FHIT: variants seen among roughly 807,000 people sequenced by gnomAD.
The protein encoded by FHIT is fragile histidine triad diadenosine triphosphatase, also known as bis(5'-adenosyl)-triphosphatase.
FHIT carries 19 observed loss-of-function variants against 17.9 expected under a neutral mutation model. The observed-to-expected ratio is 1.06, with a 90% confidence interval of 0.74 to 1.56. FHIT has a LOEUF of 1.56. Among genes scored for constraint, FHIT ranks in the 40% most tolerant of loss-of-function variants. The pLI is 0.00. For synonymous variants in FHIT, 81 were observed against 69.7 expected, an observed-to-expected ratio of 1.16 and a Z score of -0.81; for missense variants, 248 against 189.2, an observed-to-expected ratio of 1.31 and a Z score of -1.82.
intron 5 of FHIT, among the ~76,000 whole-genome samples, chr3:60,520,891 C>A (rs961027634): frequency 6.6e-6 from 1 of 151,682 alleles, no homozygotes; most frequent in African/African-American, 2.4e-5. Flanking sequence ...TCCCAAGTAC[C>A]AAAAACAGTA....
intron 4 of FHIT, among the ~76,000 whole-genome samples, chr3:60,796,577 G>A (rs1336710947): frequency 6.6e-6 from 1 of 152,034 alleles, no homozygotes; most frequent in South Asian, 2.1e-4. Flanking sequence ...TATCAAAGAG[G>A]GTTGTTGTTT....
At chr3:60,248,942 G>A (rs1039866187) in intron 5 of FHIT, among the ~76,000 whole-genome samples, 1 of 152,126 alleles carries the variant, frequency 6.6e-6, no homozygotes, top group Non-Finnish European at 1.5e-5. Flanking sequence ...AAGATACCAT[G>A]TGAAAATAAT....
chr3:59,855,153 T>C (rs1033965227), intron 8 of FHIT, among the ~76,000 whole-genome samples: 4 of 152,224 alleles, frequency 2.6e-5, no homozygotes, highest in African/African-American at 9.6e-5. Context: ...AGTATTAAAA[T>C]GGGCTGGTAC....
chr3:59,947,258 A>G (rs538717754), intron 7 of FHIT, among the ~76,000 whole-genome samples: 11 of 152,172 alleles, frequency 7.2e-5, no homozygotes, highest in Non-Finnish European at 1.6e-4. Context: ...ATATTTCCAG[A>G]AATTTATCCA....
intron 8 of FHIT, among the ~76,000 whole-genome samples, chr3:59,878,423 G>T (rs1210699034): frequency 6.6e-6 from 1 of 152,170 alleles, no homozygotes; most frequent in Non-Finnish European, 1.5e-5. Flanking sequence ...ATATGGGTTT[G>T]TCACAGGTTG....
Position 60,963,732 on chromosome 3 carries a change from G to C in FHIT, c.-111+78315C>G, listed in dbSNP as rs532924354. Among the ~76,000 whole-genome samples, 6 of 151,816 alleles carry C rather than the reference G, an allele frequency of 4.0e-5. No homozygotes were observed. In the South Asian group the frequency reaches 1.3e-3, roughly 32 times the overall value. ...CAGGTTGTTCAGTTTCCATGCATTT[G>C]AGCGGTTTTTGAATGAGTTTCTTAA... On this transcript the variant is annotated intron_variant, in intron 3 of 9. Transcript: ENST00000492590.
At chr3:60,730,850 C>T (rs373386046) in intron 4 of FHIT, among the ~76,000 whole-genome samples, 4 of 152,130 alleles carry the variant, frequency 2.6e-5, no homozygotes, top group African/African-American at 9.6e-5. Flanking sequence ...AGTGCAGTGG[C>T]TCACGCCTGT....
intron 3 of FHIT, among the ~76,000 whole-genome samples, chr3:60,948,227 C>T (rs1708722117): frequency 6.6e-6 from 1 of 152,140 alleles, no homozygotes; most frequent in Non-Finnish European, 1.5e-5. Flanking sequence ...AACCTTGCTT[C>T]TGAACTCTAA....
At position 60,540,921 on chromosome 3, in the gene FHIT, T is replaced by C. The variant is rs572944237; in HGVS notation, c.-17-3942A>G. ...TTCTCAAGGTGACGTCCCTCCACAA[T>C]AGCATCAGCATCACTTGGGAACTTA... On this transcript the variant is annotated intron_variant, in intron 4 of 9. Coordinates refer to ENST00000492590, the MANE Select transcript of FHIT (RefSeq NM_002012.4). 5.9e-4 allele frequency among the ~76,000 whole-genome samples: 90 copies of C among 152,240 alleles called. No individual in the cohort carries two copies. In the Middle Eastern group the frequency reaches 0.017, roughly 29 times the overall value.
At chr3:60,113,307 CAT>C (rs751237375) in intron 5 of FHIT, among the ~76,000 whole-genome samples, 5 of 150,344 alleles carry the variant, frequency 3.3e-5, no homozygotes, top group Non-Finnish European at 5.9e-5. Flanking sequence ...TTGTTTAATG[CAT>C]AAATGAATAG....
chr3:61,112,929 A>T (rs1475187243), intron 2 of FHIT, among the ~76,000 whole-genome samples: 1 of 152,154 alleles, frequency 6.6e-6, no homozygotes, highest in Admixed American at 6.5e-5. Flanking sequence ...TTATCTTGGA[A>T]CTAACTATGG....
intron 2 of FHIT, among the ~76,000 whole-genome samples, chr3:61,099,326 A>C (rs1576010503): frequency 1.3e-5 from 2 of 152,106 alleles, no homozygotes; most frequent in South Asian, 2.1e-4. Flanking sequence ...GTTTGCTAGC[A>C]TTAGGTCAAA....
intron 5 of FHIT, among the ~76,000 whole-genome samples, chr3:60,398,129 T>C (rs1286092543): frequency 6.6e-6 from 1 of 152,144 alleles, no homozygotes; most frequent in Non-Finnish European, 1.5e-5. Context: ...AACTCGGACC[T>C]AGCTGAACTA....
intron 5 of FHIT, among the ~76,000 whole-genome samples, chr3:60,263,904 G>C (rs181165283): frequency 2.8e-3 from 421 of 151,610 alleles, no homozygotes; most frequent in African/African-American, 9.2e-3. Context: ...AAACTGGTCT[G>C]GAGAAAGTGA....
At chr3:59,936,153 T>G (rs1352197436) in intron 7 of FHIT, among the ~76,000 whole-genome samples, 2 of 152,060 alleles carry the variant, frequency 1.3e-5, no homozygotes, top group African/African-American at 4.8e-5. Context: ...CATTAAGAGC[T>G]ACTGTGGTTC....
At chr3:60,658,875 T>G (rs2040176291) in intron 4 of FHIT, among the ~76,000 whole-genome samples, 1 of 152,108 alleles carries the variant, frequency 6.6e-6, no homozygotes, top group Non-Finnish European at 1.5e-5. Context: ...AGATTCAAGT[T>G]ACTATTAGTG....
At chr3:61,246,553 A>G (rs1327736998) in intron 1 of FHIT, among the ~76,000 whole-genome samples, 1 of 152,316 alleles carries the variant, frequency 6.6e-6, no homozygotes, top group Admixed American at 6.5e-5. Context: ...GACTCTGCAT[A>G]GTATTACTCA....
At chr3:60,050,145 A>C (rs930517568) in intron 5 of FHIT, among the ~76,000 whole-genome samples, 1 of 152,214 alleles carries the variant, frequency 6.6e-6, no homozygotes, top group African/African-American at 2.4e-5. Flanking sequence ...CAATTAGTAG[A>C]AGTAAAAAGA....
At chr3:60,534,198 C>A (rs560236044) in intron 5 of FHIT, among the ~76,000 whole-genome samples, 95 of 150,450 alleles carry the variant, frequency 6.3e-4, no homozygotes, top group Non-Finnish European at 1.5e-4. Flanking sequence ...GAGGCCGAGG[C>A]GGGTGGATCA....
Sources: gnomAD v4.1 joint callset for allele counts (sites outside exome capture counted in the v4.1 genomes callset) on GRCh38, gnomAD v4.1.1 for gene constraint, MANE v1.5 for transcripts, NCBI Gene and HGNC (gene_info 2026-07-23, HGNC 2026-07-21) for gene names.